Variants in LRP1B observed in about 807,000 individuals in gnomAD.
LRP1B encodes LDL receptor related protein 1B.
Under a neutral mutation model 556.6 loss-of-function variants are expected in LRP1B, and 217 were observed. That is an observed-to-expected ratio of 0.39 (90% confidence interval 0.35 to 0.44). The LOEUF is 0.44. LRP1B is among the 20% of genes least tolerant of loss of function. The pLI, the probability that LRP1B is intolerant of heterozygous loss-of-function variation, is 1.00. For synonymous variants in LRP1B, 2,047 were observed against 1,865.8 expected (o/e 1.10, Z -2.50); for missense variants, 5,053 against 5,620.8 (o/e 0.90, Z 3.23).
Position 141,347,745 on chromosome 2 carries a change from C to T in LRP1B, c.344-93104G>A, listed in dbSNP as rs1688304804. Among the ~76,000 whole-genome samples the T allele has an allele frequency of 2.0e-5, 3 of 151,858 alleles. No homozygotes were observed. In the South Asian group the frequency reaches 6.2e-4, roughly 31 times the overall value. ...GTATTTCTGATGAAGAGTAGTTATTCAGCTACTAATATTTTCATCAAGTCT... is the reference window on the plus strand; with the variant it reads ...GTATTTCTGATGAAGAGTAGTTATTTAGCTACTAATATTTTCATCAAGTCT... On this transcript the variant is annotated intron_variant, in intron 3 of 90. Transcript: ENST00000389484.
intron 1 of LRP1B, among the ~76,000 whole-genome samples, chr2:142,072,383 G>A (rs1208509063): frequency 6.6e-6 from 1 of 151,862 alleles, no homozygotes; most frequent in Non-Finnish European, 1.5e-5. Flanking sequence ...TCAGGGTTTT[G>A]AATGAGCTAT....
intron 3 of LRP1B, among the ~76,000 whole-genome samples, chr2:141,360,417 T>G (rs1446595446): frequency 6.6e-6 from 1 of 152,238 alleles, no homozygotes; most frequent in Non-Finnish European, 1.5e-5. Context: ...ATTGATACTT[T>G]TGTATAAACA....
At chr2:141,112,074 T>A (rs200259584) in intron 7 of LRP1B, among the ~76,000 whole-genome samples, 8 of 133,138 alleles carry the variant, frequency 6.0e-5, no homozygotes, top group East Asian at 2.3e-4. Flanking sequence ...AAATAAATAA[T>A]AAATAAATAA....
intron 41 of LRP1B, among the ~76,000 whole-genome samples, chr2:140,665,139 C>T (rs1456695765): frequency 6.6e-6 from 1 of 152,038 alleles, no homozygotes; most frequent in South Asian, 2.1e-4. Context: ...ATGTATTACT[C>T]CAAGGAAGGT....
intron 7 of LRP1B, among the ~76,000 whole-genome samples, chr2:141,174,570 A>G (rs1308490179): frequency 6.6e-6 from 1 of 152,064 alleles, no homozygotes; most frequent in Non-Finnish European, 1.5e-5. Flanking sequence ...TTCTACTATG[A>G]TTGTAAGTTT....
rs557358235 is a variant in LRP1B at position 140,404,811 on chromosome 2, A to T, written c.10415-18802T>A. On this transcript the variant is annotated intron_variant, in intron 66 of 90. Transcript: ENST00000389484. ...TATATCAGATAAAACAGACTTAAAC[A>T]AATACTAAAAATGAGAAAGTCAGCA... 3.9e-5 allele frequency among the ~76,000 whole-genome samples: 6 copies of T among 152,252 alleles called. No individual in the cohort carries two copies. In the South Asian group the frequency reaches 1.0e-3, roughly 26 times the overall value.
chr2:141,631,721 T>C (rs1688916833), intron 2 of LRP1B, among the ~76,000 whole-genome samples: 1 of 152,164 alleles, frequency 6.6e-6, no homozygotes, highest in African/African-American at 2.4e-5. Context: ...TTTCTGCCTA[T>C]AAAGCCCAAC....
At chr2:140,633,501 C>T (rs1299253468) in intron 41 of LRP1B, among the ~76,000 whole-genome samples, 1 of 151,954 alleles carries the variant, frequency 6.6e-6, no homozygotes, top group East Asian at 1.9e-4. Context: ...AAATTAAAAA[C>T]AGGAAAACAA....
At chr2:141,717,055 A>T (rs1558824814) in intron 2 of LRP1B, among the ~76,000 whole-genome samples, 1 of 152,026 alleles carries the variant, frequency 6.6e-6, no homozygotes, top group East Asian at 1.9e-4. Context: ...ATATCTTCTC[A>T]TTTGTACTTG....
chr2:140,342,904 C>T, intron 77 of LRP1B, among the ~76,000 whole-genome samples: 1 of 151,596 alleles, frequency 6.6e-6, no homozygotes, highest in African/African-American at 2.4e-5. Context: ...ATGTGATGTC[C>T]AGAAACACTG....
At chr2:141,748,454 A>G (rs559144185) in intron 2 of LRP1B, among the ~76,000 whole-genome samples, 62 of 152,298 alleles carry the variant, frequency 4.1e-4, no homozygotes, top group African/African-American at 1.5e-3. Context: ...GATGGAAGAT[A>G]ATAAGTGTAG....
chr2:140,356,088 G>A (rs151018303), intron 75 of LRP1B, among the ~76,000 whole-genome samples: 96 of 151,906 alleles, frequency 6.3e-4, no homozygotes, highest in African/African-American at 2.2e-3. Context: ...AAACAGTATT[G>A]TAGCAATAGA....
rs571021880 is a variant in LRP1B at position 140,886,070 on chromosome 2, T to C, written c.3964+68A>G. On this transcript the variant is annotated intron_variant, in intron 24 of 90. Transcript: ENST00000389484. Reference sequence around the variant, plus strand: ...GAATAATCAAAATTTCTTCTAGTTATAACGTGTTCTTTGAATTTTCACTTA... The same window carrying C: ...GAATAATCAAAATTTCTTCTAGTTACAACGTGTTCTTTGAATTTTCACTTA... 13 of 964,278 alleles carry C rather than the reference T, an allele frequency of 1.3e-5. No homozygotes were observed. The African/African-American group carries it at 2.2e-4, about 16-fold the overall frequency. The allele number at this position is 964,278 out of a possible 1,614,324, so 59.7% of individuals were successfully genotyped here.
chr2:141,631,915 T>G (rs1688926479), intron 2 of LRP1B, among the ~76,000 whole-genome samples: 1 of 152,132 alleles, frequency 6.6e-6, no homozygotes, highest in Non-Finnish European at 1.5e-5. Context: ...GATTTTTCAT[T>G]TCTTTTTTTT....
chr2:141,702,533 A>T (rs181359580), intron 2 of LRP1B, among the ~76,000 whole-genome samples: 1 of 151,722 alleles, frequency 6.6e-6, no homozygotes, highest in Admixed American at 6.6e-5. Flanking sequence ...GCTGGCTGCC[A>T]GTTAATAGAC....
chr2:141,786,826 CT>C (rs1249321659), intron 2 of LRP1B, among the ~76,000 whole-genome samples: 1 of 151,882 alleles, frequency 6.6e-6, no homozygotes, highest in Admixed American at 6.6e-5. Flanking sequence ...TAATTTCTAT[CT>C]TTCTTAGAGT....
intron 33 of LRP1B, among the ~76,000 whole-genome samples, chr2:140,774,066 T>A (rs1017456918): frequency 6.6e-6 from 1 of 152,092 alleles, no homozygotes; most frequent in Non-Finnish European, 1.5e-5. Context: ...AGTCACTAAT[T>A]GTACTTTGAA....
chr2:141,005,795 G>A (rs959619101), intron 14 of LRP1B, among the ~76,000 whole-genome samples: 1 of 151,978 alleles, frequency 6.6e-6, no homozygotes, highest in Non-Finnish European at 1.5e-5. Flanking sequence ...TTGGAAAGTA[G>A]ACCACTGGCT....
chr2:142,102,154 G>C (rs1045442883), intron 1 of LRP1B, among the ~76,000 whole-genome samples: 1 of 151,866 alleles, frequency 6.6e-6, no homozygotes, highest in Non-Finnish European at 1.5e-5. Flanking sequence ...AACACTTACT[G>C]GCTGTTGAAC....
Sources: gnomAD v4.1 joint callset for allele counts (sites outside exome capture counted in the v4.1 genomes callset) on GRCh38, gnomAD v4.1.1 for gene constraint, MANE v1.5 for transcripts, NCBI Gene and HGNC (gene_info 2026-07-23, HGNC 2026-07-21) for gene names.